Variants in MARK3 observed in about 807,000 individuals in gnomAD.
The protein encoded by MARK3 is MAP/microtubule affinity-regulating kinase 3.
MARK3 carries 46 observed loss-of-function variants against 90.1 expected under a neutral mutation model. The ratio of observed to expected loss-of-function variants is 0.51; its 90% CI spans 0.40 to 0.65. The LOEUF (loss-of-function observed/expected upper bound fraction) is 0.65, where lower values mean the gene tolerates loss of function less well. MARK3 is among the 30% of genes least tolerant of loss of function. The pLI is 0.00. For synonymous variants in MARK3, 321 were observed against 332.6 expected, an observed-to-expected ratio of 0.97 and a Z score of 0.38; for missense variants, 818 against 947.2, an observed-to-expected ratio of 0.86 and a Z score of 1.79.
chr14:103,481,179 G>T (rs2093812032), intron 14 of MARK3, among the ~76,000 whole-genome samples: 1 of 152,088 alleles, frequency 6.6e-6, no homozygotes. Flanking sequence ...CTCTGAGGTG[G>T]GGTTAGTCTG....
At chr14:103,411,023 C>G (rs563486761) in intron 2 of MARK3, among the ~76,000 whole-genome samples, 36 of 152,192 alleles carry the variant, frequency 2.4e-4, no homozygotes, top group Admixed American at 2.2e-3. Context: ...GCCTGTAATC[C>G]CAGCACTTTG....
At chr14:103,425,277 T>TTTA (rs1387810239) in intron 2 of MARK3, among the ~76,000 whole-genome samples, 1 of 144,184 alleles carries the variant, frequency 6.9e-6, no homozygotes, top group Non-Finnish European at 1.5e-5. Context: ...TATTTATTTA[T>TTTA]TTGATGGAGT....
At chr14:103,436,592 A>G (rs2092722291) in intron 3 of MARK3, among the ~76,000 whole-genome samples, 1 of 149,048 alleles carries the variant, frequency 6.7e-6, no homozygotes, top group Non-Finnish European at 1.5e-5. Flanking sequence ...GGAGATGGCA[A>G]ATGAAATCCA....
chr14:103,486,630 AC>A (rs146384905), intron 14 of MARK3, among the ~76,000 whole-genome samples: 8,173 of 152,276 alleles, frequency 0.054, 258 homozygotes, highest in Non-Finnish European at 0.08. Flanking sequence ...GAATTTCATA[AC>A]AATTAGCTTG....
intron 12 of MARK3, among the ~76,000 whole-genome samples, chr14:103,470,674 C>T (rs1280044021): frequency 6.6e-6 from 1 of 151,582 alleles, no homozygotes; most frequent in Non-Finnish European, 1.5e-5. Flanking sequence ...CCAGGCTGGT[C>T]CCGAACTCCT....
At chr14:103,393,762 CTTT>C (rs36003065) in intron 1 of MARK3, among the ~76,000 whole-genome samples, 6 of 145,444 alleles carry the variant, frequency 4.1e-5, no homozygotes, top group Admixed American at 6.8e-5. Context: ...CATTTTATTA[CTTT>C]TTTTTTTTTT....
intron 15 of MARK3, among the ~76,000 whole-genome samples, chr14:103,495,084 G>C (rs979898983): frequency 1.3e-5 from 2 of 152,088 alleles, no homozygotes; most frequent in African/African-American, 4.8e-5. Flanking sequence ...GTACAAGTGT[G>C]CACACACACT....
intron 15 of MARK3, 33 bp from the exon 16 acceptor site, chr14:103,498,469 A>G: frequency 9.1e-7 from 1 of 1,103,214 alleles, no homozygotes; most frequent in Non-Finnish European, 1.2e-6. Flanking sequence ...TATTTTTGTT[A>G]ATTTTTTTTT....
chr14:103,419,104 T>C (rs2092092200), intron 2 of MARK3, among the ~76,000 whole-genome samples: 1 of 152,050 alleles, frequency 6.6e-6, no homozygotes, highest in African/African-American at 2.4e-5. Context: ...CTGGCTAACA[T>C]GGTGAAACCC....
chr14:103,475,345 C>G, intron 13 of MARK3, 135 bp downstream of exon 13: 1 of 662,910 alleles, frequency 1.5e-6, no homozygotes, highest in East Asian at 2.7e-5. Context: ...CCAATCTTAA[C>G]TTACAGAAAT....
At chr14:103,420,866 G>A (rs964980313) in intron 2 of MARK3, among the ~76,000 whole-genome samples, 8 of 152,182 alleles carry the variant, frequency 5.3e-5, no homozygotes, top group South Asian at 2.1e-4. Context: ...TCTTTGTGCC[G>A]TAAACCAGTG....
intron 3 of MARK3, among the ~76,000 whole-genome samples, chr14:103,442,956 A>G (rs925972295): frequency 1.6e-5 from 2 of 122,854 alleles, no homozygotes; most frequent in Non-Finnish European, 3.4e-5. Context: ...CCCCCCTCCC[A>G]CCGACAAGGA....
intron 1 of MARK3, among the ~76,000 whole-genome samples, chr14:103,389,029 T>C (rs942736178): frequency 9.9e-5 from 15 of 152,126 alleles, no homozygotes; most frequent in African/African-American, 2.7e-4. Context: ...TTTAAGTAAT[T>C]GTATATAACT....
intron 3 of MARK3, among the ~76,000 whole-genome samples, chr14:103,444,278 A>G (rs2092937303): frequency 6.6e-6 from 1 of 152,060 alleles, no homozygotes; most frequent in African/African-American, 2.4e-5. Context: ...CAGGATTCCA[A>G]ATCTTTGCCT....
chr14:103,465,892 CAG>C lies in MARK3; in HGVS notation c.778-79_778-78del, dbSNP rs2093492818. 19 of 1,561,844 alleles carry C rather than the reference CAG, an allele frequency of 1.2e-5. No homozygotes were observed. The South Asian group carries it at 2.2e-4, about 18-fold the overall frequency. On this transcript the variant is annotated intron_variant, in intron 8 of 17. Transcript: ENST00000429436. ...AACATTATATCAGTGCGGGGGGTTTCAGGGGGTTTTTTGTTGTGTTTTGTTAA... is the reference window on the plus strand; with the variant it reads ...AACATTATATCAGTGCGGGGGGTTTCGGGGTTTTTTGTTGTGTTTTGTTAA...
At chr14:103,476,217 G>A (rs1414730298) in intron 13 of MARK3, among the ~76,000 whole-genome samples, 1 of 152,168 alleles carries the variant, frequency 6.6e-6, no homozygotes, top group Non-Finnish European at 1.5e-5. Flanking sequence ...CAGTCTAACA[G>A]GAAGTGAATG....
At chr14:103,406,219 G>T (rs962035735) in intron 2 of MARK3, among the ~76,000 whole-genome samples, 2 of 150,414 alleles carry the variant, frequency 1.3e-5, no homozygotes, top group Non-Finnish European at 3.0e-5. Flanking sequence ...CTTTTTTGGG[G>T]GGTTAGGGGG....
Position 103,451,919 on chromosome 14 carries a change from G to A in MARK3, c.348G>A (p.Val116=). 1 of 1,609,718 alleles carries A rather than the reference G, an allele frequency of 6.2e-7. No individual in the cohort carries two copies. The highest frequency in any genetic ancestry group is 8.5e-7 in the Non-Finnish European group (1 of 1,177,064). The change falls in exon 5 of 18, where the codon GTG becomes GTA. Residue 116 remains valine, a splice_region_variant and synonymous_variant. Coordinates refer to ENST00000429436, the MANE Select transcript of MARK3 (RefSeq NM_001128918.3). The part of the protein sequence containing the change: ...IMKILNHPNI[V]KLFEVIETEK... ...TCCGTGTCCTCTCCTCTCCCGCAGT[G>A]AAGTTATTCGAAGTCATTGAAACTG...
intron 2 of MARK3, among the ~76,000 whole-genome samples, chr14:103,425,337 A>G (rs966256092): frequency 1.3e-5 from 2 of 151,976 alleles, no homozygotes; most frequent in African/African-American, 2.4e-5. Context: ...TTGGCTCACT[A>G]TAACCTCCGT....
Sources: gnomAD v4.1 joint callset for allele counts (sites outside exome capture counted in the v4.1 genomes callset) on GRCh38, gnomAD v4.1.1 for gene constraint, MANE v1.5 for transcripts, NCBI Gene and HGNC (gene_info 2026-07-23, HGNC 2026-07-21) for gene names.